ZNF385D: variants seen among roughly 807,000 people sequenced by gnomAD.
ZNF385D encodes the protein zinc finger protein 659.
A neutral mutation model predicts 35.8 loss-of-function variants in ZNF385D; 15 were observed. The ratio of observed to expected loss-of-function variants is 0.42; its 90% CI spans 0.28 to 0.64. The LOEUF (loss-of-function observed/expected upper bound fraction) is 0.64, where lower values mean the gene tolerates loss of function less well. Among genes scored for constraint, ZNF385D ranks in the 30% least tolerant of loss-of-function variants. The pLI is 0.23. For synonymous variants in ZNF385D, 212 were observed against 186.8 expected, an observed-to-expected ratio of 1.13 and a Z score of -1.10; for missense variants, 474 against 494.6, an observed-to-expected ratio of 0.96 and a Z score of 0.39.
chr3:21,931,201 T>A (rs1406465584), intron 3 of ZNF385D, among the ~76,000 whole-genome samples: 2 of 152,158 alleles, frequency 1.3e-5, no homozygotes, highest in Non-Finnish European at 2.9e-5. Flanking sequence ...ATGCTCAGTA[T>A]CTTTAGTAGT....
chr3:22,139,861 G>C (rs1339274485), intron 3 of ZNF385D, among the ~76,000 whole-genome samples: 1 of 152,012 alleles, frequency 6.6e-6, no homozygotes, highest in African/African-American at 2.4e-5. Context: ...TCGTTATTTG[G>C]AAAATGTAAA....
chr3:21,789,202 CTA>C (rs1279184024), intron 3 of ZNF385D, among the ~76,000 whole-genome samples: 1 of 152,118 alleles, frequency 6.6e-6, no homozygotes, highest in Admixed American at 6.5e-5. Context: ...TTAATTAAAT[CTA>C]TAATATAATT....
intron 2 of ZNF385D, among the ~76,000 whole-genome samples, chr3:22,286,142 C>T (rs1324695205): frequency 6.6e-6 from 1 of 152,042 alleles, no homozygotes; most frequent in Non-Finnish European, 1.5e-5. Context: ...ACGGTACTTA[C>T]AGCATTATTT....
chr3:22,201,524 GA>G (rs1559448531), intron 2 of ZNF385D, among the ~76,000 whole-genome samples: 1 of 151,796 alleles, frequency 6.6e-6, no homozygotes, highest in Non-Finnish European at 1.5e-5. Context: ...AATAGATACA[GA>G]AAAAAAGAAA....
At chr3:21,910,033 A>G (rs900829443) in intron 3 of ZNF385D, among the ~76,000 whole-genome samples, 2 of 151,942 alleles carry the variant, frequency 1.3e-5, no homozygotes, top group African/African-American at 4.8e-5. Context: ...GCTTACTGCT[A>G]CATTTCAAAG....
At chr3:22,287,004 C>CT (rs1267315411) in intron 2 of ZNF385D, among the ~76,000 whole-genome samples, 1 of 151,788 alleles carries the variant, frequency 6.6e-6, no homozygotes, top group Non-Finnish European at 1.5e-5. Context: ...GTATTAGACT[C>CT]TATCTATCCC....
At chr3:21,874,097 T>C (rs1697837297) in intron 3 of ZNF385D, among the ~76,000 whole-genome samples, 1 of 152,090 alleles carries the variant, frequency 6.6e-6, no homozygotes, top group Non-Finnish European at 1.5e-5. Flanking sequence ...TGCACCATTA[T>C]ACATTCTCAC....
chr3:22,221,000 T>C (rs1698219179), intron 2 of ZNF385D, among the ~76,000 whole-genome samples: 1 of 152,100 alleles, frequency 6.6e-6, no homozygotes, highest in Non-Finnish European at 1.5e-5. Context: ...AAAATAAAAT[T>C]TCCTTTCATC....
rs1426600669 is a variant in ZNF385D at position 21,646,202 on chromosome 3, C to T, written c.165+18684G>A. On this transcript the variant is annotated intron_variant, in intron 2 of 7. Transcript: ENST00000281523. This position sits in a 1 kb window ranked among gnomAD's most constrained non-coding sequence, Gnocchi z 4.3. The stretch of plus-strand genomic sequence containing the variant: ...TGTATAATTTTTAGGGTGTCAAAAC[C>T]GGCCATGTAAGTATATGCAATCATG... Among the ~76,000 whole-genome samples the T allele has an allele frequency of 3.3e-5, 5 of 151,998 alleles. No homozygotes were observed. Among genetic ancestry groups the T allele is most frequent in the African/African-American group, 4.8e-5 (2 of 41,388 alleles).
rs1030164199 is a variant in ZNF385D at position 22,221,427 on chromosome 3, TTTAA to T, written c.107-52396_107-52393del. Among the ~76,000 whole-genome samples the T allele has an allele frequency of 2.8e-4, 43 of 152,208 alleles. 2 individuals carry two copies. Among genetic ancestry groups the T allele is most frequent in the Admixed American group, 2.8e-3 (43 of 15,286 alleles). On this transcript the variant is annotated intron_variant, in intron 2 of 5. Coordinates refer to the ZNF385D transcript ENST00000494108. ...TTTGAAGCAAATCCCAGACATAACA[TTTAA>T]TTAATTTATATGATAATCTGTACGC...
At chr3:22,360,251 G>C (rs1373680129) in intron 2 of ZNF385D, among the ~76,000 whole-genome samples, 1 of 151,868 alleles carries the variant, frequency 6.6e-6, no homozygotes, top group Admixed American at 6.6e-5. Flanking sequence ...CGTGTGCCTG[G>C]TACTTACGTT....
At chr3:21,548,567 A>T (rs1387534446) in intron 3 of ZNF385D, among the ~76,000 whole-genome samples, 1 of 152,180 alleles carries the variant, frequency 6.6e-6, no homozygotes, top group African/African-American at 2.4e-5. Context: ...CTCAACACAG[A>T]TTCTCCTGTT....
At chr3:21,906,146 T>A (rs922363959) in intron 3 of ZNF385D, among the ~76,000 whole-genome samples, 1 of 152,212 alleles carries the variant, frequency 6.6e-6, no homozygotes, top group African/African-American at 2.4e-5. Context: ...TGTTTCCCCA[T>A]GGACTGTTAC....
Position 21,499,157 on chromosome 3 carries a change from T to C in ZNF385D, c.439+11704A>G, listed in dbSNP as rs146748090. Among the ~76,000 whole-genome samples, 391 of 152,198 alleles carry C rather than the reference T, an allele frequency of 2.6e-3. 2 individuals are homozygous for C. The highest frequency in any genetic ancestry group is 9.0e-3 in the African/African-American group (372 of 41,524). On this transcript the variant is annotated intron_variant, in intron 4 of 7. Transcript: ENST00000281523. The stretch of plus-strand genomic sequence containing the variant: ...ATCTCCAAAGGAACATAAATCATTC[T>C]ACCATAAAGACACATGCATCCATTA...
At chr3:21,995,612 C>T (rs1695413846) in intron 3 of ZNF385D, among the ~76,000 whole-genome samples, 1 of 151,874 alleles carries the variant, frequency 6.6e-6, no homozygotes, top group African/African-American at 2.4e-5. Flanking sequence ...TCTAATGGTA[C>T]ATATGAGTGC....
chr3:21,981,196 T>C (rs577091936), intron 3 of ZNF385D, among the ~76,000 whole-genome samples: 1 of 152,320 alleles, frequency 6.6e-6, no homozygotes, highest in East Asian at 1.9e-4. Context: ...AGTGTATAAA[T>C]GTTCCCATTT....
At chr3:21,895,488 T>G (rs1699087907) in intron 3 of ZNF385D, among the ~76,000 whole-genome samples, 1 of 148,976 alleles carries the variant, frequency 6.7e-6, no homozygotes. Context: ...GCACCATGCC[T>G]GGCTAATTTT....
chr3:22,358,723 A>T (rs1385277842), intron 2 of ZNF385D, among the ~76,000 whole-genome samples: 1 of 151,772 alleles, frequency 6.6e-6, no homozygotes, highest in Non-Finnish European at 1.5e-5. Flanking sequence ...AAAATAAGAT[A>T]CTATTTTGAA....
chr3:21,790,062 C>T (rs2071864129), intron 3 of ZNF385D, among the ~76,000 whole-genome samples: 1 of 152,030 alleles, frequency 6.6e-6, no homozygotes, highest in African/African-American at 2.4e-5. Context: ...TAGAGCATAG[C>T]ACATATACTC....
Sources: gnomAD v4.1 joint callset for allele counts (sites outside exome capture counted in the v4.1 genomes callset) on GRCh38, gnomAD v4.1.1 for gene constraint, Gnocchi (gnomAD v3.1) non-coding constraint, MANE v1.5 for transcripts, NCBI Gene and HGNC (gene_info 2026-07-23, HGNC 2026-07-21) for gene names.